RYR3: variants seen among roughly 807,000 people sequenced by gnomAD.
The protein encoded by RYR3 is brain ryanodine receptor-calcium release channel.
Under a neutral mutation model 584.3 loss-of-function variants are expected in RYR3, and 207 were observed. The observed-to-expected ratio is 0.35, with a 90% CI of 0.32 to 0.40. The LOEUF (loss-of-function observed/expected upper bound fraction) is 0.40. RYR3 is among the 10% of genes least tolerant of loss of function. The probability of loss-of-function intolerance (pLI) is 1.00; values close to 1 mark genes in which losing one functional copy is unlikely to be tolerated. For missense variants in RYR3, 5,616 were observed against 6,089.2 expected, an observed-to-expected ratio of 0.92 and a Z score of 2.59; for synonymous variants, 2,416 against 2,248.5, an observed-to-expected ratio of 1.07 and a Z score of -2.11.
chr15:33,765,059 A>G (rs1596487071), intron 60 of RYR3, among the ~76,000 whole-genome samples: 1 of 149,074 alleles, frequency 6.7e-6, no homozygotes, highest in African/African-American at 2.5e-5. Flanking sequence ...AAGACATCAT[A>G]CAAGTCCTGA....
chr15:33,728,680 T>C (rs987305060), intron 46 of RYR3, among the ~76,000 whole-genome samples, 177 bp from the exon 47 acceptor site: 4 of 152,256 alleles, frequency 2.6e-5, no homozygotes, highest in Admixed American at 6.5e-5. Flanking sequence ...CCAAAAAGTT[T>C]CAGATCTTGG....
intron 16 of RYR3, among the ~76,000 whole-genome samples, chr15:33,599,340 C>T (rs776630709): frequency 3.9e-5 from 6 of 152,174 alleles, no homozygotes; most frequent in South Asian, 2.1e-4. Flanking sequence ...GTTGAGGACA[C>T]GCTCGTGACA....
chr15:33,631,301 A>AT lies in RYR3; in HGVS notation c.2867+18dup, dbSNP rs200901254. Reference sequence around the variant, plus strand: ...GGTCAAACTGCCCAAAAAGTAGGTGATTTTTTTTTTAATGGTTCAAGACTT... The same window carrying AT: ...GGTCAAACTGCCCAAAAAGTAGGTGATTTTTTTTTTTAATGGTTCAAGACTT... On this transcript the variant is annotated intron_variant, in intron 23 of 103. Coordinates refer to ENST00000634891, the MANE Select transcript of RYR3 (RefSeq NM_001036.6). The AT allele has an allele frequency of 0.014, 18,349 of 1,297,592 alleles. No homozygotes were observed. Among genetic ancestry groups the AT allele is most frequent in the Non-Finnish European group, 0.015 (14,643 of 963,986 alleles). 80.4% of individuals were successfully genotyped at this position (1,297,592 alleles called of 1,614,324 possible). A position where few individuals can be genotyped will look rare whatever the true frequency, so the allele number is the denominator to read the frequency against.
chr15:33,510,046 C>G (rs566384559), intron 3 of RYR3, among the ~76,000 whole-genome samples: 1 of 152,272 alleles, frequency 6.6e-6, no homozygotes, highest in East Asian at 1.9e-4. Context: ...TTTTTTTATA[C>G]TCGCAAAATA....
At chr15:33,590,602 A>T (rs550609402) in intron 16 of RYR3, among the ~76,000 whole-genome samples, 2 of 147,890 alleles carry the variant, frequency 1.4e-5, no homozygotes, top group Non-Finnish European at 1.5e-5. Flanking sequence ...AATTTTTTTT[A>T]GAGGTCTTTC....
At chr15:33,806,130 C>T (rs1324965569) in intron 69 of RYR3, among the ~76,000 whole-genome samples, 1 of 152,150 alleles carries the variant, frequency 6.6e-6, no homozygotes, top group African/African-American at 2.4e-5. Context: ...CAAGAGCTTC[C>T]CATGGCCCGG....
chr15:33,767,469 A>G (rs191764404), intron 60 of RYR3, among the ~76,000 whole-genome samples: 17 of 152,324 alleles, frequency 1.1e-4, no homozygotes, highest in Admixed American at 6.5e-4. Context: ...TTAACTAGCC[A>G]TGGGAACTTT....
intron 1 of RYR3, among the ~76,000 whole-genome samples, chr15:33,471,819 C>T (rs2048957891): frequency 6.6e-6 from 1 of 152,194 alleles, no homozygotes; most frequent in Middle Eastern, 3.4e-3. Flanking sequence ...GACTTAACTT[C>T]CATGGCCCCT....
chr15:33,532,390 C>T (rs2054957643), intron 4 of RYR3, among the ~76,000 whole-genome samples: 1 of 151,930 alleles, frequency 6.6e-6, no homozygotes, highest in Admixed American at 6.6e-5. Context: ...GACCTTCTGT[C>T]CCATGGTCAT....
chr15:33,615,838 T>C (rs2152571330), intron 19 of RYR3, among the ~76,000 whole-genome samples: 1 of 152,302 alleles, frequency 6.6e-6, no homozygotes, highest in African/African-American at 2.4e-5. Context: ...AAAATCTGAT[T>C]GGAGCAAAAG....
chr15:33,865,982 A>C lies in RYR3; in HGVS notation c.*756A>C, dbSNP rs1329658018. The C allele has an allele frequency of 1.3e-5, 2 of 152,760 alleles. No individual in the cohort carries two copies. Among genetic ancestry groups the C allele is most frequent in the African/African-American group, 4.8e-5 (2 of 41,446 alleles). 9.5% of individuals were successfully genotyped at this position (152,760 alleles called of 1,614,324 possible). A position where few individuals can be genotyped will look rare whatever the true frequency, so the allele number is the denominator to read the frequency against. ...CTGAAAATTCAGAAAAAAAATCTCA[A>C]CCTTATGCCAAAATGGAGTAATGCT... On this transcript the variant is annotated 3_prime_UTR_variant, in exon 104 of 104. Coordinates refer to ENST00000634891, the MANE Select transcript of RYR3 (RefSeq NM_001036.6).
At chr15:33,477,781 G>A (rs2339276) in intron 2 of RYR3, among the ~76,000 whole-genome samples, 73,399 of 126,848 alleles carry the variant, frequency 0.58, 22,237 homozygotes, top group African/African-American at 0.67. Flanking sequence ...AGGCTGAGGC[G>A]GGAGAATGGC....
intron 2 of RYR3, among the ~76,000 whole-genome samples, chr15:33,484,448 G>C (rs2050239847): frequency 6.6e-6 from 1 of 152,140 alleles, no homozygotes; most frequent in Admixed American, 6.6e-5. Context: ...ATTGAGTATG[G>C]TTTTGGCATA....
At chr15:33,595,764 G>T (rs1372278935) in intron 16 of RYR3, among the ~76,000 whole-genome samples, 1 of 152,174 alleles carries the variant, frequency 6.6e-6, no homozygotes, top group African/African-American at 2.4e-5. Flanking sequence ...AATGTTACAA[G>T]AACTTTAAAA....
intron 19 of RYR3, among the ~76,000 whole-genome samples, chr15:33,617,621 C>T (rs16973323): frequency 0.17 from 26,093 of 151,976 alleles, 2,403 homozygotes; most frequent in East Asian, 0.23. Context: ...CTAAGTTAGA[C>T]TTGAGTTCTC....
At chr15:33,475,318 A>G (rs2049280424) in intron 2 of RYR3, among the ~76,000 whole-genome samples, 1 of 152,172 alleles carries the variant, frequency 6.6e-6, no homozygotes, top group Admixed American at 6.5e-5. Context: ...TTAGGGCAGC[A>G]GTTCCCAACC....
At chr15:33,664,973 C>T (rs900889412) in intron 36 of RYR3, among the ~76,000 whole-genome samples, 4 of 152,240 alleles carry the variant, frequency 2.6e-5, no homozygotes, top group East Asian at 1.9e-4. Context: ...CTTATCATCC[C>T]TTTGCAAAAT....
intron 67 of RYR3, among the ~76,000 whole-genome samples, chr15:33,791,046 C>G (rs1040470972): frequency 6.6e-6 from 1 of 152,178 alleles, no homozygotes; most frequent in African/African-American, 2.4e-5. Context: ...AGATAAAAAG[C>G]CTCTTTGGAA....
At chr15:33,853,974 A>C (rs1196709569) in intron 96 of RYR3, among the ~76,000 whole-genome samples, 2 of 152,098 alleles carry the variant, frequency 1.3e-5, no homozygotes, top group Non-Finnish European at 2.9e-5. Context: ...TGGGCAGATC[A>C]TGAGGTCAGG....
Sources: allele counts gnomAD v4.1 joint callset (sites outside exome capture counted in the v4.1 genomes callset), GRCh38; gene constraint gnomAD v4.1.1; transcripts MANE v1.5; gene names NCBI Gene and HGNC (gene_info 2026-07-23, HGNC 2026-07-21).